TAB3: variants seen among roughly 807,000 people sequenced by gnomAD.
The protein encoded by TAB3 is TGF-beta activated kinase 1 (MAP3K7) binding protein 3.
Under a neutral mutation model 48.1 loss-of-function variants are expected in TAB3, and 18 were observed. The observed-to-expected ratio is 0.37, with a 90% CI of 0.26 to 0.55. TAB3 has a LOEUF of 0.55. Among genes scored for constraint, TAB3 ranks in the 20% least tolerant of loss-of-function variants. The pLI, the probability that TAB3 is intolerant of heterozygous loss-of-function variation, is 0.78. For missense variants in TAB3, 414 were observed against 549.8 expected (o/e 0.75, Z 2.47); for synonymous variants, 185 against 190.2 (o/e 0.97, Z 0.22).
intron 9 of TAB3, chrX:30,834,904 T>C (rs1269613513): frequency 8.9e-6 from 1 of 112,267 alleles, no homozygotes; most frequent in Non-Finnish European, 1.9e-5. Flanking sequence ...AGTGTTGGTA[T>C]TACAGGCAGG....
chrX:30,848,498 A>G (rs1359229804), intron 7 of TAB3, among the ~76,000 whole-genome samples: 2 of 111,518 alleles, frequency 1.8e-5, no homozygotes, highest in East Asian at 2.8e-4. Flanking sequence ...CTCCAGCCTG[A>G]GCAACAGAGT....
At chrX:30,846,874 C>T (rs1281530695) in intron 7 of TAB3, among the ~76,000 whole-genome samples, 2 of 111,519 alleles carry the variant, frequency 1.8e-5, no homozygotes, top group African/African-American at 3.3e-5. Flanking sequence ...TATAAAGTGG[C>T]GAGCTGCAGT....
At chrX:30,869,948 G>A (rs188025460) in intron 2 of TAB3, among the ~76,000 whole-genome samples, 4 of 112,688 alleles carry the variant, frequency 3.5e-5, no homozygotes, top group African/African-American at 9.6e-5. Context: ...ATGTGCGTAT[G>A]TACTAGATCA....
chrX:30,859,360 CCACACACACACACACACA>C (rs137921689), intron 5 of TAB3, 109 bp downstream of exon 5: 27 of 391,984 alleles, frequency 6.9e-5, no homozygotes, highest in East Asian at 1.3e-4. Flanking sequence ...AAATCCTGCT[CCACACACACACACACACA>C]CACACACACA....
At chrX:30,857,898 G>A (rs1320614250) in intron 5 of TAB3, among the ~76,000 whole-genome samples, 1 of 111,330 alleles carries the variant, frequency 9.0e-6, no homozygotes, top group Non-Finnish European at 1.9e-5. Context: ...GAACACTTTT[G>A]AAAGGAATGA....
intron 2 of TAB3, among the ~76,000 whole-genome samples, chrX:30,870,018 T>C (rs1939619501): frequency 8.9e-6 from 1 of 112,515 alleles, no homozygotes; most frequent in African/African-American, 3.2e-5. Flanking sequence ...TATGGTGATA[T>C]ATTTTAAGTT....
intron 1 of TAB3, among the ~76,000 whole-genome samples, chrX:30,881,525 G>C (rs1389761885): frequency 1.8e-5 from 2 of 111,441 alleles, no homozygotes; most frequent in African/African-American, 6.5e-5. Flanking sequence ...AAACCAACTA[G>C]TGACTCTCAA....
intron 9 of TAB3, chrX:30,836,019 G>A (rs921374588): frequency 8.9e-6 from 1 of 111,798 alleles, no homozygotes; most frequent in Non-Finnish European, 1.9e-5. Flanking sequence ...TTTAGAAAAC[G>A]CCGATTTAGT....
At position 30,859,654 on chromosome X, in the gene TAB3, G is replaced by A; in HGVS notation, c.-66C>T. On this transcript the variant is annotated 5_prime_UTR_variant, in exon 5 of 11. Transcript: ENST00000288422. ...TGTTAACCGGCTTTCCAAAAGTAAT[G>A]ATCTTCTAGCACCACAGTCATTTTC... 1.5e-6 allele frequency: 1 copy of A among 689,234 alleles called. No individual in the cohort carries two copies. Among genetic ancestry groups the A allele is most frequent in the Non-Finnish European group, 2.2e-6 (1 of 450,492 alleles). The allele number at this position is 689,234 out of a possible 1,213,427, so 56.8% of individuals were successfully genotyped here.
chrX:30,866,313 A>T (rs955810772), intron 4 of TAB3, among the ~76,000 whole-genome samples: 1 of 110,998 alleles, frequency 9.0e-6, no homozygotes, highest in Admixed American at 9.7e-5. Context: ...ATACACGGAA[A>T]TTTCAGCTGA....
intron 2 of TAB3, among the ~76,000 whole-genome samples, chrX:30,870,792 G>A (rs1279607980): frequency 8.9e-6 from 1 of 111,810 alleles, no homozygotes; most frequent in Non-Finnish European, 1.9e-5. Flanking sequence ...AGAGTCCAGA[G>A]ATGCTGCTAA....
intron 1 of TAB3, among the ~76,000 whole-genome samples, chrX:30,887,596 C>T (rs1002336602): frequency 8.9e-6 from 1 of 112,538 alleles, no homozygotes; most frequent in African/African-American, 3.2e-5. Context: ...ATCTCCTCAG[C>T]GAAGTCGCCA....
At chrX:30,886,085 A>AT in intron 1 of TAB3, among the ~76,000 whole-genome samples, 1 of 112,164 alleles carries the variant, frequency 8.9e-6, no homozygotes, top group Non-Finnish European at 1.9e-5. Flanking sequence ...ACTATAATAA[A>AT]TGTTCTTATT....
intron 7 of TAB3, among the ~76,000 whole-genome samples, chrX:30,849,606 A>G (rs1019071484): frequency 3.6e-5 from 4 of 112,288 alleles, no homozygotes; most frequent in Non-Finnish European, 7.5e-5. Flanking sequence ...CTTTATCTTG[A>G]CAATTATTAT....
intron 7 of TAB3, among the ~76,000 whole-genome samples, chrX:30,848,522 A>G (rs977768559): frequency 9.0e-6 from 1 of 111,331 alleles, no homozygotes; most frequent in Non-Finnish European, 1.9e-5. Context: ...ACTCTGTCTC[A>G]GAAACAACAA....
At chrX:30,832,220 C>T (rs1443377092) in intron 10 of TAB3, among the ~76,000 whole-genome samples, 1 of 111,949 alleles carries the variant, frequency 8.9e-6, no homozygotes, top group Non-Finnish European at 1.9e-5. Context: ...CATTAAAAAT[C>T]CTTCATATAT....
rs1262980545 is a variant in TAB3, at chrX:30,836,867, C to A, written c.1889-2715G>T. The A allele has an allele frequency of 4.5e-5, 5 of 109,967 alleles. No homozygotes were observed. In the East Asian group the frequency reaches 1.4e-3, roughly 32 times the overall value. 9.1% of individuals were successfully genotyped at this position (109,967 alleles called of 1,213,427 possible). On this transcript the variant is annotated intron_variant, in intron 9 of 10. Transcript: ENST00000288422. The stretch of plus-strand genomic sequence containing the variant: ...CAAAACAAAAACAAACAAACAAAGT[C>A]TTTTTAGTGTAAAGGTACTTGTAGA...
chrX:30,864,230 A>G (rs974675594), intron 4 of TAB3, among the ~76,000 whole-genome samples: 1 of 111,772 alleles, frequency 8.9e-6, no homozygotes, highest in African/African-American at 3.3e-5. Flanking sequence ...TAGATCAAGA[A>G]AGAAGAAACA....
At chrX:30,847,061 C>T (rs919932196) in intron 7 of TAB3, among the ~76,000 whole-genome samples, 4 of 111,216 alleles carry the variant, frequency 3.6e-5, no homozygotes, top group African/African-American at 1.3e-4. Context: ...CGGTGTTTAC[C>T]AGAATTCTCT....
Sources: gnomAD v4.1 joint callset for allele counts (sites outside exome capture counted in the v4.1 genomes callset) on GRCh38, gnomAD v4.1.1 for gene constraint, MANE v1.5 for transcripts, NCBI Gene and HGNC (gene_info 2026-07-23, HGNC 2026-07-21) for gene names.